Variants in RGS6 observed in about 807,000 individuals in gnomAD.
RGS6 encodes regulator of G protein signaling 6, also known as regulator of G-protein signaling 6.
RGS6 carries 30 observed loss-of-function variants against 78.5 expected under a neutral mutation model. That is an observed-to-expected ratio of 0.38 (90% CI 0.29 to 0.52). RGS6 has a LOEUF of 0.52. Ranked by LOEUF, RGS6 falls within the 20% of genes least tolerant of loss-of-function variation. The pLI is 0.85. For synonymous variants in RGS6, 206 were observed against 206.0 expected (o/e 1.00, Z 0.00); for missense variants, 495 against 609.7 (o/e 0.81, Z 1.98).
chr14:72,117,541 CTCTTT>C lies in RGS6; in HGVS notation c.84+152672_84+152676del, dbSNP rs1207638902. 2.6e-5 allele frequency among the ~76,000 whole-genome samples: 4 copies of C among 152,208 alleles called. No individual in the cohort carries two copies. In the East Asian group the frequency reaches 7.7e-4, roughly 29 times the overall value. On this transcript the variant is annotated intron_variant, in intron 2 of 17. Coordinates refer to ENST00000553525, the MANE Select transcript of RGS6 (RefSeq NM_001204424.2). The stretch of plus-strand genomic sequence containing the variant: ...CTGCAGAACTGTGAGCCAATTAAAC[CTCTTT>C]TCTTTATAGATGACCCGGTCTCAGG...
rs575607706 is a variant in RGS6 at position 72,553,517 on chromosome 14, T to C, written c.1423-8900T>C. On this transcript the variant is annotated intron_variant, in intron 17 of 17. Coordinates refer to ENST00000553525, the MANE Select transcript of RGS6 (RefSeq NM_001204424.2). The stretch of plus-strand genomic sequence containing the variant: ...TTCCAGGGACAGTCGGCAGCACCCA[T>C]TTCTTGGTGTCTCTGTTTTTTCTGC... Among the ~76,000 whole-genome samples, 5 of 152,198 alleles carry C rather than the reference T, an allele frequency of 3.3e-5. No homozygotes were observed. In the South Asian group the frequency reaches 6.2e-4, roughly 19 times the overall value.
At chr14:72,482,184 A>G (rs1019453770) in intron 12 of RGS6, among the ~76,000 whole-genome samples, 3 of 152,218 alleles carry the variant, frequency 2.0e-5, no homozygotes, top group African/African-American at 7.2e-5. Flanking sequence ...AAAGGACACT[A>G]CATTTCAGTT....
chr14:72,555,654 G>A (rs972580101), intron 17 of RGS6, among the ~76,000 whole-genome samples: 6 of 152,196 alleles, frequency 3.9e-5, no homozygotes, highest in Non-Finnish European at 8.8e-5. Context: ...CGTGAAGGCC[G>A]ACCAACTCAG....
rs1446364009 is a variant in RGS6, at chr14:72,013,478, TC to T, written c.84+48604del. Reference sequence around the variant, plus strand: ...AATTTAAAAGGTAAATAGGAGTCCTTCAGTAGGCAGATTCATATATTGACAA... The same window carrying T: ...AATTTAAAAGGTAAATAGGAGTCCTTAGTAGGCAGATTCATATATTGACAA... On this transcript the variant is annotated intron_variant, in intron 2 of 17. Transcript: ENST00000553525. Among the ~76,000 whole-genome samples the T allele has an allele frequency of 2.6e-5, 4 of 151,188 alleles. No individual in the cohort carries two copies. The East Asian group carries it at 7.7e-4, about 29-fold the overall frequency.
intron 2 of RGS6, among the ~76,000 whole-genome samples, chr14:72,121,972 A>G (rs2096063365): frequency 2.6e-5 from 4 of 152,116 alleles, no homozygotes; most frequent in Admixed American, 2.6e-4. Flanking sequence ...CATCTGGTGG[A>G]TAGGGGCCAG....
intron 2 of RGS6, among the ~76,000 whole-genome samples, chr14:72,049,765 A>C (rs2153407106): frequency 6.6e-6 from 1 of 152,310 alleles, no homozygotes; most frequent in South Asian, 2.1e-4. Flanking sequence ...TCTGAACAGG[A>C]AGCCTTCTGT....
intron 2 of RGS6, among the ~76,000 whole-genome samples, chr14:72,001,984 C>A (rs1340748501): frequency 1.4e-5 from 2 of 138,572 alleles, no homozygotes; most frequent in South Asian, 2.4e-4. Context: ...CTCACTGCAA[C>A]CTTTATCTCC....
the RGS6 span, among the ~76,000 whole-genome samples, chr14:71,872,115 A>T: frequency 6.6e-6 from 1 of 152,150 alleles, no homozygotes; most frequent in African/African-American, 2.4e-5. Flanking sequence ...TTTAGACAGA[A>T]GTTGATTCAA....
intron 2 of RGS6, among the ~76,000 whole-genome samples, chr14:72,250,628 A>G (rs1214326872): frequency 6.6e-6 from 1 of 152,154 alleles, no homozygotes; most frequent in East Asian, 1.9e-4. Context: ...TAAACAGAGG[A>G]TCACCTATAA....
chr14:72,495,021 G>A (rs988727400), intron 12 of RGS6, 131 bp from the exon 13 acceptor site: 6 of 625,672 alleles, frequency 9.6e-6, no homozygotes, highest in African/African-American at 5.5e-5. Context: ...TGTGTCAGAA[G>A]TGGGAGCGGA....
chr14:72,338,476 G>T lies in RGS6; in HGVS notation c.85-13619G>T, dbSNP rs117325550. 4.6e-5 allele frequency among the ~76,000 whole-genome samples: 7 copies of T among 152,198 alleles called. No homozygotes were observed. In the South Asian group the frequency reaches 1.2e-3, roughly 27 times the overall value. ...CCATGATTCAATTATCTCTCCACTAGGTCCTCCCGTAACATGTGGGAATTA... is the reference window on the plus strand; with the variant it reads ...CCATGATTCAATTATCTCTCCACTATGTCCTCCCGTAACATGTGGGAATTA... On this transcript the variant is annotated intron_variant, in intron 2 of 17. Coordinates refer to ENST00000553525, the MANE Select transcript of RGS6 (RefSeq NM_001204424.2).
At chr14:72,377,616 C>T (rs1379323225) in intron 3 of RGS6, among the ~76,000 whole-genome samples, 1 of 151,934 alleles carries the variant, frequency 6.6e-6, no homozygotes, top group African/African-American at 2.4e-5. Context: ...TTCATCAGCA[C>T]GTGGAACATT....
intron 12 of RGS6, among the ~76,000 whole-genome samples, chr14:72,483,919 T>C (rs2096434519): frequency 6.6e-6 from 1 of 152,158 alleles, no homozygotes; most frequent in Non-Finnish European, 1.5e-5. Context: ...TGACTTGCAA[T>C]TAAGGAGTTC....
chr14:72,187,615 T>A (rs751892193), intron 2 of RGS6, among the ~76,000 whole-genome samples: 10 of 152,132 alleles, frequency 6.6e-5, no homozygotes, highest in African/African-American at 9.7e-5. Flanking sequence ...ACACCCTGAT[T>A]TTAAACACCC....
intron 12 of RGS6, among the ~76,000 whole-genome samples, chr14:72,478,680 A>C (rs1233571533): frequency 1.3e-5 from 2 of 152,224 alleles, no homozygotes; most frequent in African/African-American, 2.4e-5. Context: ...GCCCAGATTC[A>C]CTTTATAGGG....
In RGS6 at chr14:72,414,298, G is replaced by A. The variant is rs560256460; in HGVS notation, c.185-40230G>A. Among the ~76,000 whole-genome samples, 23 of 152,048 alleles carry A rather than the reference G, an allele frequency of 1.5e-4. No homozygotes were observed. The South Asian group carries it at 1.7e-3, about 11-fold the overall frequency. On this transcript the variant is annotated intron_variant, in intron 3 of 17. Coordinates refer to ENST00000553525, the MANE Select transcript of RGS6 (RefSeq NM_001204424.2). ...CTTTTTTCTCTAAACTTCTCTTCTC[G>A]CTTCATTTCATTCATTTCGTCTTTC...
intron 2 of RGS6, among the ~76,000 whole-genome samples, chr14:72,002,846 T>C (rs1326612878): frequency 6.6e-6 from 1 of 152,188 alleles, no homozygotes; most frequent in East Asian, 1.9e-4. Flanking sequence ...TCTAGAGTCA[T>C]GGTGGTTTTC....
At chr14:72,034,001 G>C (rs2091311672) in intron 2 of RGS6, among the ~76,000 whole-genome samples, 1 of 152,128 alleles carries the variant, frequency 6.6e-6, no homozygotes, top group Non-Finnish European at 1.5e-5. Flanking sequence ...TTTTCTTGAT[G>C]TTTAGTCATG....
the RGS6 span, among the ~76,000 whole-genome samples, chr14:72,624,630 C>T: frequency 3.3e-5 from 5 of 152,218 alleles, no homozygotes; most frequent in African/African-American, 7.2e-5. Flanking sequence ...TGAGCCACCA[C>T]GCCCGGCCCC....
Sources: gnomAD v4.1 joint callset for allele counts (sites outside exome capture counted in the v4.1 genomes callset) on GRCh38, gnomAD v4.1.1 for gene constraint, MANE v1.5 for transcripts, NCBI Gene and HGNC (gene_info 2026-07-23, HGNC 2026-07-21) for gene names.